The following MYO1E variants were observed in gnomAD, a reference collection of about 807,000 sequenced individuals.
MYO1E encodes the protein myosin IE.
Under a neutral mutation model 151.1 loss-of-function variants are expected in MYO1E, and 68 were observed. The observed-to-expected ratio is 0.45, with a 90% confidence interval of 0.37 to 0.55. MYO1E has a LOEUF of 0.55. MYO1E is among the 20% of genes least tolerant of loss of function. The pLI, the probability that MYO1E is intolerant of heterozygous loss-of-function variation, is 0.00. For synonymous variants in MYO1E, 601 were observed against 501.7 expected (o/e 1.20, Z -2.64); for missense variants, 1,363 against 1,389.3 (o/e 0.98, Z 0.30).
At position 59,214,620 on chromosome 15, in the gene MYO1E, G is replaced by A. The variant is rs763780556; in HGVS notation, c.1188+20C>T. ...AATACGTCACCCTCCTCAACCCCTA[G>A]TTATTAAAACTGGCCTTACCTGGAA... On this transcript the variant is annotated intron_variant, in intron 11 of 27. Transcript: ENST00000288235. 1 of 1,575,358 alleles carries A rather than the reference G, an allele frequency of 6.3e-7. No individual in the cohort carries two copies. Among genetic ancestry groups the A allele is most frequent in the Non-Finnish European group, 8.7e-7 (1 of 1,144,842 alleles).
chr15:59,265,068 T>C (rs1488181523), intron 2 of MYO1E: 8 of 152,212 alleles, frequency 5.3e-5, no homozygotes, highest in Admixed American at 1.3e-4. Context: ...ATGATTCTTA[T>C]GGTAAACCCA....
Position 59,267,982 on chromosome 15 carries a change from G to A in MYO1E, c.147+4324C>T, listed in dbSNP as rs572379493. On this transcript the variant is annotated intron_variant, in intron 2 of 27. Transcript: ENST00000288235. ...ATTCAGCCTGAATGCATTAACAATCGATCGCCCCAAATGCTGACTTTCAAC... is the reference window on the plus strand; with the variant it reads ...ATTCAGCCTGAATGCATTAACAATCAATCGCCCCAAATGCTGACTTTCAAC... 1.1e-4 allele frequency among the ~76,000 whole-genome samples: 17 copies of A among 152,104 alleles called. No individual in the cohort carries two copies. In the East Asian group the frequency reaches 1.2e-3, roughly 10 times the overall value.
intron 4 of MYO1E, among the ~76,000 whole-genome samples, chr15:59,236,875 G>C (rs574813556): frequency 6.6e-6 from 1 of 152,108 alleles, no homozygotes; most frequent in East Asian, 1.9e-4. Flanking sequence ...CGTGTGAGCC[G>C]GATTAACATG....
In MYO1E at chr15:59,218,300, A is replaced by G. The variant is rs767909454; in HGVS notation, c.911-213T>C. 1.0e-5 allele frequency: 7 copies of G among 680,736 alleles called. No individual in the cohort carries two copies. The Admixed American group carries it at 1.4e-4, about 14-fold the overall frequency. 42.2% of individuals were successfully genotyped at this position (680,736 alleles called of 1,614,324 possible). A position where few individuals can be genotyped will look rare whatever the true frequency, so the allele number is the denominator to read the frequency against. On this transcript the variant is annotated intron_variant, in intron 9 of 27. Transcript: ENST00000288235. ...TTGTTTTTCCCAATTGTTTTATGAC[A>G]TGAGTCAATTCCTATGATGACTGAG...
chr15:59,241,812 T>G (rs956457601), intron 4 of MYO1E, among the ~76,000 whole-genome samples: 1 of 151,984 alleles, frequency 6.6e-6, no homozygotes, highest in Non-Finnish European at 1.5e-5. Context: ...CTAGTTACTT[T>G]GGAGGCTGAG....
At chr15:59,372,337 T>C (rs1596448139) in intron 1 of MYO1E, among the ~76,000 whole-genome samples, 161 bp downstream of exon 1, 1 of 152,170 alleles carries the variant, frequency 6.6e-6, no homozygotes, top group South Asian at 2.1e-4. Flanking sequence ...GGCCCGGGTT[T>C]ACGGAAAGCG....
At chr15:59,324,367 G>C (rs1228874660) in intron 1 of MYO1E, among the ~76,000 whole-genome samples, 3 of 152,154 alleles carry the variant, frequency 2.0e-5, no homozygotes, top group Admixed American at 6.5e-5. Context: ...GCCACCCCTC[G>C]CCTATGAGCA....
At chr15:59,254,838 T>C (rs2080185016) in intron 4 of MYO1E, among the ~76,000 whole-genome samples, 1 of 152,146 alleles carries the variant, frequency 6.6e-6, no homozygotes, top group South Asian at 2.1e-4. Context: ...AGCTTTTTTT[T>C]TTCTTGATAT....
At position 59,163,297 on chromosome 15, in the gene MYO1E, C is replaced by T; in HGVS notation, c.2487G>A (p.Met829Ile). Residue 829 changes from methionine (M) to isoleucine (I), a missense_variant, in exon 23 of 28, where the codon ATG becomes ATA. By Grantham distance (10) the Met-to-Ile change is conservative. Transcript: ENST00000288235. The part of the protein sequence containing the change: ...ERILSVSLST[M>I]QDDIFILHEQ... Reference sequence around the variant, plus strand: ...CATGGAGAATAAAAATGTCATCCTGCATAGTACTGTAAAGAGATTGGACAA... The same window carrying T: ...CATGGAGAATAAAAATGTCATCCTGTATAGTACTGTAAAGAGATTGGACAA... 2 of 1,613,322 alleles carry T rather than the reference C, an allele frequency of 1.2e-6. No homozygotes were observed. Among genetic ancestry groups the T allele is most frequent in the Non-Finnish European group, 1.7e-6 (2 of 1,179,614 alleles).
At position 59,153,560 on chromosome 15, in the gene MYO1E, G is replaced by A. The variant is rs11071408; in HGVS notation, c.3080+30C>T. On this transcript the variant is annotated intron_variant, in intron 26 of 27. Coordinates refer to ENST00000288235, the MANE Select transcript of MYO1E (RefSeq NM_004998.4). ...TTGAATGATGGAGATGGAGCTTGCC[G>A]GCTTCATCCAGAGGATGTGAGAATC... 0.05 allele frequency: 79,616 copies of A among 1,606,012 alleles called. 3,103 individuals are homozygous for A. Among genetic ancestry groups the A allele is most frequent in the African/African-American group, 0.2 (15,158 of 74,788 alleles).
intron 1 of MYO1E, among the ~76,000 whole-genome samples, chr15:59,283,117 C>T (rs1477644620): frequency 6.6e-6 from 1 of 150,886 alleles, no homozygotes; most frequent in Non-Finnish European, 1.5e-5. Flanking sequence ...CAGTGGCTGC[C>T]TTCACAAGCC....
intron 18 of MYO1E, among the ~76,000 whole-genome samples, chr15:59,187,036 T>C (rs2079702568): frequency 6.6e-6 from 1 of 152,216 alleles, no homozygotes. Flanking sequence ...TTTAAGCTTA[T>C]TGTCTTAAGT....
chr15:59,239,228 T>A (rs56387042), intron 4 of MYO1E, among the ~76,000 whole-genome samples: 54,742 of 144,266 alleles, frequency 0.38, 11,700 homozygotes, highest in Middle Eastern at 0.51. Context: ...ATATATATTT[T>A]TTTTATTTTT....
chr15:59,232,471 G>C (rs541751676), intron 5 of MYO1E, among the ~76,000 whole-genome samples: 1 of 152,288 alleles, frequency 6.6e-6, no homozygotes. Context: ...AACGAGTCCT[G>C]GCCTGGGGGG....
Position 59,218,073 on chromosome 15 carries a change from C to G in MYO1E, c.925G>C (p.Ala309Pro). 6.2e-7 allele frequency: 1 copy of G among 1,614,166 alleles called. No individual in the cohort carries two copies. Among genetic ancestry groups the G allele is most frequent in the Non-Finnish European group, 8.5e-7 (1 of 1,180,028 alleles). Residue 309 changes from alanine to proline, a missense_variant, in exon 10 of 28, where the codon GCA becomes CCA. By Grantham distance (27) the Ala-to-Pro change is conservative. Transcript: ENST00000288235. Reference sequence around the variant, plus strand: ...TCCTGGTTTATCCCTAGCAGATATGCAGGAAAAGCTAAAACTGTAGAACAT... The same window carrying G: ...TCCTGGTTTATCCCTAGCAGATATGGAGGAAAAGCTAAAACTGTAGAACAT... Reference protein sequence around the residue: ...VESEEFLAFPAYLLGINQDRL... With the variant: ...VESEEFLAFPPYLLGINQDRL...
At chr15:59,163,638 A>C (rs1312478226) in intron 22 of MYO1E, among the ~76,000 whole-genome samples, 2 of 152,224 alleles carry the variant, frequency 1.3e-5, no homozygotes, top group Admixed American at 6.5e-5. Flanking sequence ...AGATCATAAA[A>C]ATCCAGAAAG....
At chr15:59,234,042 A>G (rs1300827945) in intron 5 of MYO1E, among the ~76,000 whole-genome samples, 1 of 152,162 alleles carries the variant, frequency 6.6e-6, no homozygotes, top group Non-Finnish European at 1.5e-5. Flanking sequence ...AGAATTACAC[A>G]TATGGCTTGC....
intron 17 of MYO1E, among the ~76,000 whole-genome samples, chr15:59,191,555 T>G (rs1250287033): frequency 1.3e-5 from 2 of 152,106 alleles, no homozygotes; most frequent in African/African-American, 4.8e-5. Context: ...ACGCCAAGCT[T>G]TCGAGGCAGG....
At chr15:59,247,527 T>G (rs1418286869) in intron 4 of MYO1E, among the ~76,000 whole-genome samples, 1 of 152,168 alleles carries the variant, frequency 6.6e-6, no homozygotes, top group Non-Finnish European at 1.5e-5. Flanking sequence ...AACAGAGTGG[T>G]AAGGATTAAG....
Sources: gnomAD v4.1 joint callset for allele counts (sites outside exome capture counted in the v4.1 genomes callset) on GRCh38, gnomAD v4.1.1 for gene constraint, MANE v1.5 for transcripts, NCBI Gene and HGNC (gene_info 2026-07-23, HGNC 2026-07-21) for gene names.